Variants in METTL9 observed in about 807,000 individuals in gnomAD.
METTL9 encodes protein-L-histidine N-pros-methyltransferase.
METTL9 carries 10 observed loss-of-function variants against 36.0 expected under a neutral mutation model. The ratio of observed to expected loss-of-function variants is 0.28; its 90% confidence interval spans 0.17 to 0.47. The LOEUF (loss-of-function observed/expected upper bound fraction) is 0.47. Ranked by LOEUF, METTL9 falls within the 20% of genes least tolerant of loss-of-function variation. METTL9 has a pLI of 0.99. For missense variants in METTL9, 246 were observed against 383.5 expected, an observed-to-expected ratio of 0.64 and a Z score of 3.00; for synonymous variants, 175 against 149.7, an observed-to-expected ratio of 1.17 and a Z score of -1.23.
intron 4 of METTL9, among the ~76,000 whole-genome samples, chr16:21,650,142 T>C (rs892697778): frequency 1.3e-5 from 2 of 151,928 alleles, no homozygotes; most frequent in Non-Finnish European, 2.9e-5. Flanking sequence ...TGTGAGTCCC[T>C]GTCTCTATTA....
intron 4 of METTL9, chr16:21,627,197 A>G (rs2141591129): frequency 8.1e-6 from 8 of 985,412 alleles, no homozygotes; most frequent in Non-Finnish European, 9.6e-6. Context: ...ATGTGAAACC[A>G]TGAGGACTGG....
At chr16:21,640,291 TG>T (rs1163847512) in intron 4 of METTL9, 1 of 152,094 alleles carries the variant, frequency 6.6e-6, no homozygotes, top group Non-Finnish European at 1.5e-5. Flanking sequence ...TTGTAATTTG[TG>T]TCTAATAATG....
Position 21,655,561 on chromosome 16 carries a change from A to T in METTL9, c.*129A>T, listed in dbSNP as rs994384985. On this transcript the variant is annotated 3_prime_UTR_variant, in exon 5 of 5. Coordinates refer to ENST00000358154, the MANE Select transcript of METTL9 (RefSeq NM_016025.5). Reference sequence around the variant, plus strand: ...CATTCTAAATATCATGTAGGAATTTAAAAAGCCAAAATACTAATTATTTCT... The same window carrying T: ...CATTCTAAATATCATGTAGGAATTTTAAAAGCCAAAATACTAATTATTTCT... The T allele has an allele frequency of 5.3e-6, 4 of 756,526 alleles. No individual in the cohort carries two copies. Among genetic ancestry groups the T allele is most frequent in the African/African-American group, 3.5e-5 (2 of 56,478 alleles). The allele number at this position is 756,526 out of a possible 1,614,324, so 46.9% of individuals were successfully genotyped here. A position where few individuals can be genotyped will look rare whatever the true frequency, so the allele number is the denominator to read the frequency against.
At position 21,628,747 on chromosome 16, in the gene METTL9, T is replaced by C. The variant is rs566589724; in HGVS notation, c.751+3632T>C. On this transcript the variant is annotated intron_variant, in intron 4 of 4. Transcript: ENST00000358154. ...TTGGAATCAAGTGATTGGCCTGCCT[T>C]CGCCTCCCAGCGTGTTGGGATTATA... Among the ~76,000 whole-genome samples, 11 of 152,220 alleles carry C rather than the reference T, an allele frequency of 7.2e-5. No individual in the cohort carries two copies. In the South Asian group the frequency reaches 1.9e-3, roughly 26 times the overall value.
chr16:21,614,062 A>T (rs1338710149), intron 2 of METTL9, among the ~76,000 whole-genome samples: 1 of 152,146 alleles, frequency 6.6e-6, no homozygotes, highest in African/African-American at 2.4e-5. Context: ...CAGGCACCGC[A>T]AGCCATTTCT....
rs760151956 is a variant in METTL9 at position 21,631,585 on chromosome 16, C to T, written c.751+6470C>T. Among the ~76,000 whole-genome samples the T allele has an allele frequency of 6.6e-5, 10 of 152,120 alleles. No individual in the cohort carries two copies. In the South Asian group the frequency reaches 1.0e-3, roughly 16 times the overall value. The stretch of plus-strand genomic sequence containing the variant: ...CTGAATACTCATTGTGTCGTTTTTC[C>T]TTAATCGCCCGGGAGGAACCATCTA... On this transcript the variant is annotated intron_variant, in intron 4 of 4. Coordinates refer to ENST00000358154, the MANE Select transcript of METTL9 (RefSeq NM_016025.5).
chr16:21,625,005 G>A lies in METTL9; in HGVS notation c.641G>A (p.Arg214His), dbSNP rs375496896. ...ATCAGCTGCCTGAACTTGCTGGACCGCTGTGATCAGCCCCTGACTTTGTTA... is the reference window on the plus strand; with the variant it reads ...ATCAGCTGCCTGAACTTGCTGGACCACTGTGATCAGCCCCTGACTTTGTTA... ...DVISCLNLLDRCDQPLTLLKD... is the reference protein window; with the variant it reads ...DVISCLNLLDHCDQPLTLLKD... Residue 214 changes from arginine (R) to histidine (H), a missense_variant, in exon 4 of 5, where the codon CGC becomes CAC. Physicochemically the swap from Arg to His is conservative, Grantham distance 29 (BLOSUM62 0). Transcript: ENST00000358154. The A allele has an allele frequency of 1.9e-6, 3 of 1,614,128 alleles. No homozygotes were observed. Among genetic ancestry groups the A allele is most frequent in the Non-Finnish European group, 2.5e-6 (3 of 1,180,008 alleles).
chr16:21,643,358 A>G (rs1966328682), intron 4 of METTL9, among the ~76,000 whole-genome samples: 1 of 152,198 alleles, frequency 6.6e-6, no homozygotes, highest in South Asian at 2.1e-4. Context: ...TTTAAGTCAC[A>G]GTTTACCCCT....
intron 4 of METTL9, among the ~76,000 whole-genome samples, chr16:21,629,122 G>A (rs2141593284): frequency 6.6e-6 from 1 of 152,154 alleles, no homozygotes; most frequent in South Asian, 2.1e-4. Flanking sequence ...TTGAACTCCT[G>A]ACCTCAAGTG....
chr16:21,612,241 T>C (rs1426284505), intron 1 of METTL9: 2 of 159,018 alleles, frequency 1.3e-5, no homozygotes, highest in African/African-American at 4.8e-5. Context: ...GCTAGCTGTT[T>C]GCCTTCTGAT....
chr16:21,655,082 T>A (rs1437427583), intron 4 of METTL9, 145 bp from the exon 5 acceptor site: 10 of 680,968 alleles, frequency 1.5e-5, no homozygotes, highest in Non-Finnish European at 2.5e-5. Flanking sequence ...TCTCAAAGAG[T>A]ACCTGGGAAG....
chr16:21,613,168 CTTTTTTT>C (rs57388340), intron 2 of METTL9, among the ~76,000 whole-genome samples: 55 of 91,412 alleles, frequency 6.0e-4, no homozygotes, highest in African/African-American at 2.4e-3. Flanking sequence ...TGAGAGTCTG[CTTTTTTT>C]TTTTTTTTTT....
At chr16:21,614,024 C>T (rs1293584674) in intron 2 of METTL9, among the ~76,000 whole-genome samples, 2 of 152,096 alleles carry the variant, frequency 1.3e-5, no homozygotes, top group East Asian at 3.8e-4. Context: ...TGACTGGATC[C>T]CCAGTGTATC....
At chr16:21,637,703 C>T (rs899166396) in intron 4 of METTL9, among the ~76,000 whole-genome samples, 6 of 152,232 alleles carry the variant, frequency 3.9e-5, no homozygotes, top group African/African-American at 9.6e-5. Context: ...TGTGCTGGCC[C>T]GCGTGCGCTG....
intron 3 of METTL9, among the ~76,000 whole-genome samples, chr16:21,624,311 A>G (rs1965772160): frequency 6.6e-6 from 1 of 152,206 alleles, no homozygotes; most frequent in African/African-American, 2.4e-5. Context: ...TATTCAAAAG[A>G]ATTTGATGTT....
chr16:21,635,919 G>A (rs1030230289), intron 4 of METTL9, among the ~76,000 whole-genome samples: 1 of 152,152 alleles, frequency 6.6e-6, no homozygotes, highest in African/African-American at 2.4e-5. Context: ...GAGGAAGGCC[G>A]GATTTAGTGG....
At chr16:21,605,085 A>C (rs1048574670) in intron 1 of METTL9, among the ~76,000 whole-genome samples, 3 of 151,830 alleles carry the variant, frequency 2.0e-5, no homozygotes, top group Non-Finnish European at 2.9e-5. Context: ...ACATACAGAA[A>C]AGTGAGGGTG....
Position 21,599,667 on chromosome 16 carries a change from G to A in METTL9, c.-67G>A. ...TCGGGCGGTGGCGGCGGTGGCCGGAGGCGGCGGTGCCTCCTCCTCCTCGCC... is the reference window on the plus strand; with the variant it reads ...TCGGGCGGTGGCGGCGGTGGCCGGAAGCGGCGGTGCCTCCTCCTCCTCGCC... On this transcript the variant is annotated 5_prime_UTR_variant, in exon 1 of 5. Coordinates refer to ENST00000358154, the MANE Select transcript of METTL9 (RefSeq NM_016025.5). This position sits in a 1 kb window ranked among gnomAD's most constrained non-coding sequence, Gnocchi z 4.4. 7.3e-7 allele frequency: 1 copy of A among 1,360,548 alleles called. No homozygotes were observed. The highest frequency in any genetic ancestry group is 9.4e-7 in the Non-Finnish European group (1 of 1,065,916). 84.3% of individuals were successfully genotyped at this position (1,360,548 alleles called of 1,614,324 possible).
chr16:21,612,850 G>T lies in METTL9; in HGVS notation c.356+15G>T. 1 of 1,553,640 alleles carries T rather than the reference G, an allele frequency of 6.4e-7. No homozygotes were observed. The highest frequency in any genetic ancestry group is 8.7e-7 in the Non-Finnish European group (1 of 1,153,618). The stretch of plus-strand genomic sequence containing the variant: ...TCTATCAATGGGTAAGTGAATCTTG[G>T]ACATTTATTTTTTTCTTTATCCTTA... On this transcript the variant is annotated intron_variant, in intron 2 of 4. Transcript: ENST00000358154.
Sources: gnomAD v4.1 joint callset for allele counts (sites outside exome capture counted in the v4.1 genomes callset) on GRCh38, gnomAD v4.1.1 for gene constraint, Gnocchi (gnomAD v3.1) non-coding constraint, MANE v1.5 for transcripts, NCBI Gene and HGNC (gene_info 2026-07-23, HGNC 2026-07-21) for gene names.